The following CUX1 variants were observed in gnomAD, a reference collection of about 807,000 sequenced individuals.
CUX1 encodes cut like homeobox 1.
Under a neutral mutation model 158.8 loss-of-function variants are expected in CUX1, and 31 were observed. The ratio of observed to expected loss-of-function variants is 0.20; its 90% CI spans 0.15 to 0.26. The LOEUF is 0.26. CUX1 is among the 10% of genes least tolerant of loss of function. The probability of loss-of-function intolerance (pLI) is 1.00; values close to 1 mark genes in which losing one functional copy is unlikely to be tolerated. For synonymous variants in CUX1, 879 were observed against 862.1 expected, an observed-to-expected ratio of 1.02 and a Z score of -0.34; for missense variants, 1,589 against 2,014.6, an observed-to-expected ratio of 0.79 and a Z score of 4.04.
chr7:102,245,101 G>A lies in CUX1; in HGVS notation c.3888-3311G>A, dbSNP rs557805228. 2.0e-5 allele frequency among the ~76,000 whole-genome samples: 3 copies of A among 152,312 alleles called. No individual in the cohort carries two copies. In the East Asian group the frequency reaches 5.8e-4, roughly 29 times the overall value. Reference sequence around the variant, plus strand: ...TCTGTCGCCGAGGCTGGAGTGCAGTGGCAAAATCTCAGCTCACCGCAGCCT... The same window carrying A: ...TCTGTCGCCGAGGCTGGAGTGCAGTAGCAAAATCTCAGCTCACCGCAGCCT... On this transcript the variant is annotated intron_variant, in intron 23 of 23. Transcript: ENST00000292535.
At chr7:102,148,328 C>A (rs1835232238) in intron 8 of CUX1, among the ~76,000 whole-genome samples, 1 of 152,088 alleles carries the variant, frequency 6.6e-6, no homozygotes, top group African/African-American at 2.4e-5. Context: ...CACCTGAGGT[C>A]AAGAGTTCGA....
At chr7:102,131,670 A>T (rs961331342) in intron 8 of CUX1, among the ~76,000 whole-genome samples, 5 of 143,638 alleles carry the variant, frequency 3.5e-5, no homozygotes, top group Non-Finnish European at 7.6e-5. Flanking sequence ...TTTTTATTTT[A>T]TTTATTTATT....
chr7:101,933,871 C>T (rs1469036509), intron 2 of CUX1, among the ~76,000 whole-genome samples: 3 of 152,002 alleles, frequency 2.0e-5, no homozygotes, highest in African/African-American at 4.8e-5. Context: ...AAACTTGTAG[C>T]GCTTTCCTTT....
In CUX1 at chr7:102,109,048, CA is replaced by C. The variant is rs1366401206; in HGVS notation, c.531-2644del. On this transcript the variant is annotated intron_variant, in intron 6 of 23. Coordinates refer to ENST00000292535, the MANE Select transcript of CUX1 (RefSeq NM_181552.4). ...GGATTACAGGCGTCATTCTTTATAACAAAAAATTGTTGATGGATCTAGGATT... is the reference window on the plus strand; with the variant it reads ...GGATTACAGGCGTCATTCTTTATAACAAAAATTGTTGATGGATCTAGGATT... Among the ~76,000 whole-genome samples the C allele has an allele frequency of 2.6e-5, 4 of 152,072 alleles. 1 individual carries two copies. The highest frequency in any genetic ancestry group is 2.0e-4 in the Admixed American group (3 of 15,264).
At chr7:102,098,716 C>T (rs1266683345) in intron 5 of CUX1, among the ~76,000 whole-genome samples, 7 of 151,030 alleles carry the variant, frequency 4.6e-5, no homozygotes, top group Non-Finnish European at 8.8e-5. Context: ...TCTCGGCTCA[C>T]TGCAAGCTCT....
intron 22 of CUX1, among the ~76,000 whole-genome samples, chr7:102,237,632 T>C (rs1196675431): frequency 6.6e-6 from 1 of 152,192 alleles, no homozygotes; most frequent in African/African-American, 2.4e-5. Flanking sequence ...CAACTTCCCC[T>C]TCTGCCTCCC....
rs2132646650 is a variant in CUX1 at position 102,250,609 on chromosome 7, C to T, written c.*1567C>T. ...GAAATGGCCCAAACTCACACCAAAA[C>T]GTGGATGCTCTTCAACTTCCAAACC... On this transcript the variant is annotated 3_prime_UTR_variant, in exon 24 of 24. Transcript: ENST00000292535. The T allele has an allele frequency of 1.0e-6, 1 of 985,448 alleles. No individual in the cohort carries two copies. The highest frequency in any genetic ancestry group is 4.7e-5 in the South Asian group (1 of 21,282). 61.0% of individuals were successfully genotyped at this position (985,448 alleles called of 1,614,324 possible).
chr7:101,863,469 G>A (rs1416384203), intron 1 of CUX1, among the ~76,000 whole-genome samples: 2 of 151,758 alleles, frequency 1.3e-5, no homozygotes, highest in African/African-American at 2.4e-5. Flanking sequence ...TCCTGCCTCA[G>A]CCTCCCGAGT....
At chr7:101,841,510 T>C (rs879786776) in intron 1 of CUX1, among the ~76,000 whole-genome samples, 14 of 152,022 alleles carry the variant, frequency 9.2e-5, no homozygotes, top group Non-Finnish European at 1.5e-4. Context: ...GCATTTTTTT[T>C]CTAACTTATT....
intron 12 of CUX1, among the ~76,000 whole-genome samples, chr7:102,192,905 C>T (rs782221338): frequency 1.2e-4 from 18 of 152,240 alleles, no homozygotes; most frequent in Non-Finnish European, 2.6e-4. Flanking sequence ...AAAAGGAACT[C>T]AAGAAACAGT....
chr7:102,236,305 G>GCT (rs1458305976), intron 22 of CUX1, among the ~76,000 whole-genome samples: 1 of 152,250 alleles, frequency 6.6e-6, no homozygotes, highest in Non-Finnish European at 1.5e-5. Flanking sequence ...CCTCTAGCGA[G>GCT]CTCTGGCCTG....
intron 3 of CUX1, among the ~76,000 whole-genome samples, chr7:102,063,383 C>CTTTTTTTTTTTTTTTTTTTTTTTTTTTT (rs11368644): frequency 1.1e-5 from 1 of 89,272 alleles, no homozygotes; most frequent in Non-Finnish European, 2.1e-5. Context: ...ATTTCCTTTT[C>CTTTTTTTTTTTTTTTTTTTTTTTTTTTT]TTTTTTTTTT....
At chr7:101,856,203 AAAAG>A (rs1796796242) in intron 1 of CUX1, among the ~76,000 whole-genome samples, 1 of 151,282 alleles carries the variant, frequency 6.6e-6, no homozygotes, top group Admixed American at 6.6e-5. Context: ...AAAAAAAAAA[AAAAG>A]GAAACAAGAA....
At chr7:102,072,988 CAAG>C (rs1422667522) in intron 4 of CUX1, among the ~76,000 whole-genome samples, 2 of 151,846 alleles carry the variant, frequency 1.3e-5, no homozygotes, top group African/African-American at 4.8e-5. Flanking sequence ...CATTCTATTC[CAAG>C]AAGTTCTTGC....
At chr7:102,222,554 C>A (rs73187849) in intron 20 of CUX1, among the ~76,000 whole-genome samples, 1 of 151,926 alleles carries the variant, frequency 6.6e-6, no homozygotes, top group Non-Finnish European at 1.5e-5. Context: ...CCATTCACGC[C>A]TGGTATGAAA....
chr7:102,242,129 C>T (rs782084904), intron 23 of CUX1, among the ~76,000 whole-genome samples: 4 of 151,578 alleles, frequency 2.6e-5, no homozygotes, highest in Admixed American at 6.6e-5. Context: ...AGGAAATGAA[C>T]GGAAACGTGG....
chr7:101,821,634 G>C (rs1032251422), intron 1 of CUX1, among the ~76,000 whole-genome samples: 2 of 146,496 alleles, frequency 1.4e-5, no homozygotes, highest in African/African-American at 5.0e-5. Context: ...CACCGTGCCC[G>C]GCCCCTATTT....
chr7:101,937,772 C>T lies in CUX1; in HGVS notation c.141+21547C>T, dbSNP rs151063833. 1.3e-3 allele frequency among the ~76,000 whole-genome samples: 192 copies of T among 152,274 alleles called. 2 individuals carry two copies. The East Asian group carries it at 0.03, about 24-fold the overall frequency. On this transcript the variant is annotated intron_variant, in intron 2 of 23. Transcript: ENST00000292535. ...AAGTGATCCACCCGCCTTGGCCTCC[C>T]AAAGTGCTGGGATTACAGGCGAGAG...
Position 102,201,687 on chromosome 7 carries a change from A to G in CUX1, c.2390A>G (p.Gln797Arg). ...CAGGACGCCCCCGGGCTGGACCCCC[A>G]GGGAGCAGCCGATTGTGCACAAGGG... ...EAQDAPGLDPQGAADCAQGVL... is the reference protein window; with the variant it reads ...EAQDAPGLDPRGAADCAQGVL... Residue 797 changes from glutamine to arginine, a missense_variant, in exon 18 of 24, where the codon CAG becomes CGG. This residue lies in a region of CUX1 where 337 missense variants were observed against 409.3 expected (regional missense o/e 0.82). Coordinates refer to ENST00000292535, the MANE Select transcript of CUX1 (RefSeq NM_181552.4). The surrounding 1 kb of genome is among the most constrained non-coding windows in gnomAD (Gnocchi z 5.0). The G allele has an allele frequency of 6.2e-7, 1 of 1,612,664 alleles. No homozygotes were observed.
Sources: allele counts gnomAD v4.1 joint callset (sites outside exome capture counted in the v4.1 genomes callset), GRCh38; gene constraint gnomAD v4.1.1; regional missense constraint gnomAD v4.1.1; non-coding constraint Gnocchi (gnomAD v3.1); transcripts MANE v1.5; gene names NCBI Gene and HGNC (gene_info 2026-07-23, HGNC 2026-07-21).